Variants in TRABD2B observed in about 807,000 individuals in gnomAD.
TRABD2B encodes TraB domain containing 2B, also known as metalloprotease TIKI2.
A neutral mutation model predicts 40.1 loss-of-function variants in TRABD2B; 14 were observed. The observed-to-expected ratio is 0.35, with a 90% CI of 0.23 to 0.55. The LOEUF (loss-of-function observed/expected upper bound fraction) is 0.55. TRABD2B is among the 20% of genes least tolerant of loss of function. The pLI is 0.90. For missense variants in TRABD2B, 541 were observed against 648.6 expected (o/e 0.83, Z 1.80); for synonymous variants, 263 against 277.0 (o/e 0.95, Z 0.50).
At chr1:47,985,701 A>C (rs1645909751) in intron 2 of TRABD2B, among the ~76,000 whole-genome samples, 1 of 152,230 alleles carries the variant, frequency 6.6e-6, no homozygotes, top group Non-Finnish European at 1.5e-5. Flanking sequence ...CAGTTCTTTC[A>C]AAAAACAATG....
chr1:47,904,173 A>G (rs1644643582), intron 2 of TRABD2B, among the ~76,000 whole-genome samples: 1 of 152,186 alleles, frequency 6.6e-6, no homozygotes, highest in African/African-American at 2.4e-5. Flanking sequence ...AAATGAGGGA[A>G]GGCTTCCTGG....
intron 2 of TRABD2B, among the ~76,000 whole-genome samples, chr1:47,950,295 A>T (rs1287177133): frequency 2.0e-5 from 3 of 152,142 alleles, no homozygotes; most frequent in African/African-American, 7.2e-5. Context: ...AAAAGAAAAA[A>T]AAAATAATAA....
At chr1:47,910,491 A>G (rs1008696617) in intron 2 of TRABD2B, among the ~76,000 whole-genome samples, 1 of 152,184 alleles carries the variant, frequency 6.6e-6, no homozygotes, top group Non-Finnish European at 1.5e-5. Flanking sequence ...TAGGATGGCC[A>G]TGGGAAGTAG....
chr1:47,933,613 G>T (rs1386479635), intron 2 of TRABD2B, among the ~76,000 whole-genome samples: 1 of 152,188 alleles, frequency 6.6e-6, no homozygotes, highest in Non-Finnish European at 1.5e-5. Flanking sequence ...CCCCTCCAGA[G>T]AACCTTCTCT....
intron 6 of TRABD2B, among the ~76,000 whole-genome samples, chr1:47,774,250 T>A (rs1644413654): frequency 6.6e-6 from 1 of 152,128 alleles, no homozygotes; most frequent in South Asian, 2.1e-4. Flanking sequence ...GATGGCGATC[T>A]CTAGGGTCCA....
chr1:47,801,110 A>C (rs533211174), intron 3 of TRABD2B, among the ~76,000 whole-genome samples: 27 of 152,116 alleles, frequency 1.8e-4, no homozygotes, highest in Non-Finnish European at 3.5e-4. Flanking sequence ...TCTGGGCTGG[A>C]CTCAAGTCCA....
intron 2 of TRABD2B, among the ~76,000 whole-genome samples, chr1:47,931,210 G>A (rs1200341987): frequency 1.3e-5 from 2 of 152,296 alleles, no homozygotes; most frequent in East Asian, 3.9e-4. Flanking sequence ...CAGGCTTTAG[G>A]ATTCCTTCTT....
intron 2 of TRABD2B, among the ~76,000 whole-genome samples, chr1:47,836,542 T>A (rs189001075): frequency 3.9e-5 from 6 of 152,390 alleles, no homozygotes; most frequent in Non-Finnish European, 8.8e-5. Context: ...GCTTGGCATA[T>A]AGTAGGTATC....
chr1:47,964,345 GGA>G (rs1400469000), intron 2 of TRABD2B, among the ~76,000 whole-genome samples: 1 of 152,254 alleles, frequency 6.6e-6, no homozygotes, highest in South Asian at 2.1e-4. Context: ...CAGTTTTAGG[GGA>G]GAGTCCACAA....
intron 2 of TRABD2B, among the ~76,000 whole-genome samples, chr1:47,987,195 G>A (rs1265932209): frequency 2.0e-5 from 3 of 152,094 alleles, no homozygotes; most frequent in East Asian, 1.9e-4. Context: ...ATTGGAGAGC[G>A]GGTTGGGGGA....
intron 2 of TRABD2B, among the ~76,000 whole-genome samples, chr1:47,922,357 G>A (rs1354470355): frequency 6.6e-6 from 1 of 152,222 alleles, no homozygotes; most frequent in Non-Finnish European, 1.5e-5. Context: ...CCTGGTCAGA[G>A]GCCAGGTAGG....
At chr1:47,767,210 G>A (rs1209909224) in intron 6 of TRABD2B, among the ~76,000 whole-genome samples, 1 of 152,136 alleles carries the variant, frequency 6.6e-6, no homozygotes, top group Non-Finnish European at 1.5e-5. Context: ...TGAAGTAATG[G>A]CCATGCCTAT....
Position 47,936,922 on chromosome 1 carries a change from C to T in TRABD2B, c.666+57112G>A, listed in dbSNP as rs150417001. Among the ~76,000 whole-genome samples the T allele has an allele frequency of 3.3e-4, 49 of 148,292 alleles. No homozygotes were observed. In the East Asian group the frequency reaches 9.3e-3, roughly 28 times the overall value. On this transcript the variant is annotated intron_variant, in intron 2 of 6. Transcript: ENST00000606738. The stretch of plus-strand genomic sequence containing the variant: ...ACCATCATGATCATCACCATCACCA[C>T]CACCATAATTATCACCATCACCATC...
intron 2 of TRABD2B, among the ~76,000 whole-genome samples, chr1:47,841,777 T>C (rs1645400117): frequency 7.4e-6 from 1 of 135,964 alleles, no homozygotes; most frequent in African/African-American, 2.7e-5. Context: ...CTCCTTTTCT[T>C]TTCTTTTTCT....
intron 2 of TRABD2B, among the ~76,000 whole-genome samples, chr1:47,882,421 C>T (rs1233189194): frequency 6.6e-6 from 1 of 152,218 alleles, no homozygotes; most frequent in Non-Finnish European, 1.5e-5. Flanking sequence ...ACAGCTCTAG[C>T]CCAGACCTTT....
chr1:47,974,104 G>C (rs548537858), intron 2 of TRABD2B, among the ~76,000 whole-genome samples: 1 of 152,232 alleles, frequency 6.6e-6, no homozygotes, highest in African/African-American at 2.4e-5. Flanking sequence ...GTAAGATTCT[G>C]TCTGCATCTC....
intron 2 of TRABD2B, among the ~76,000 whole-genome samples, chr1:47,825,025 CG>C (rs752259086): frequency 4.6e-5 from 7 of 152,200 alleles, no homozygotes; most frequent in Non-Finnish European, 1.0e-4. Flanking sequence ...ATTTTACCCA[CG>C]GGGGAATCTC....
At chr1:47,804,386 T>C (rs527705715) in intron 2 of TRABD2B, among the ~76,000 whole-genome samples, 2 of 152,296 alleles carry the variant, frequency 1.3e-5, no homozygotes, top group Admixed American at 6.5e-5. Flanking sequence ...CGGATGAAAG[T>C]GTCCATGTCG....
chr1:47,793,628 G>T (rs1644705919), intron 4 of TRABD2B, among the ~76,000 whole-genome samples: 1 of 152,236 alleles, frequency 6.6e-6, no homozygotes, highest in South Asian at 2.1e-4. Context: ...CAATGCAGGA[G>T]GTGAGTTCTG....
Sources: allele counts gnomAD v4.1 joint callset (sites outside exome capture counted in the v4.1 genomes callset), GRCh38; gene constraint gnomAD v4.1.1; transcripts MANE v1.5; gene names NCBI Gene and HGNC (gene_info 2026-07-23, HGNC 2026-07-21).